Variants in PDE1A observed in about 807,000 individuals in gnomAD.
The protein encoded by PDE1A is phosphodiesterase 1A, also known as dual specificity calcium/calmodulin-dependent 3',5'-cyclic nucleotide phosphodiesterase 1A.
PDE1A carries 35 observed loss-of-function variants against 61.7 expected under a neutral mutation model. The ratio of observed to expected loss-of-function variants is 0.57; its 90% confidence interval spans 0.43 to 0.75. PDE1A has a LOEUF of 0.75. Ranked by LOEUF, PDE1A falls within the 30% of genes least tolerant of loss-of-function variation. The pLI is 0.00. For synonymous variants in PDE1A, 232 were observed against 213.2 expected (o/e 1.09, Z -0.77); for missense variants, 597 against 630.6 (o/e 0.95, Z 0.57).
At chr2:182,478,831 C>A (rs1187728344) in intron 2 of PDE1A, among the ~76,000 whole-genome samples, 1 of 151,828 alleles carries the variant, frequency 6.6e-6, no homozygotes, top group Admixed American at 6.6e-5. Flanking sequence ...TCTCATCATG[C>A]AAGAAATGAA....
At chr2:182,701,951 A>G in the PDE1A span, among the ~76,000 whole-genome samples, 1 of 152,230 alleles carries the variant, frequency 6.6e-6, no homozygotes, top group South Asian at 2.1e-4. Flanking sequence ...AATAAACAAA[A>G]TTTAAGGAAG....
the PDE1A span, among the ~76,000 whole-genome samples, chr2:182,624,784 C>T: frequency 6.6e-6 from 1 of 152,160 alleles, no homozygotes; most frequent in Non-Finnish European, 1.5e-5. Flanking sequence ...GGGCCAGATA[C>T]CAGACAACCA....
chr2:182,705,054 T>C, the PDE1A span, among the ~76,000 whole-genome samples: 24 of 152,228 alleles, frequency 1.6e-4, no homozygotes, highest in Non-Finnish European at 2.6e-4. Context: ...CTCTTACTTC[T>C]GCAACTGTCA....
chr2:182,213,191 C>A (rs1687817534), intron 7 of PDE1A, among the ~76,000 whole-genome samples: 1 of 149,912 alleles, frequency 6.7e-6, no homozygotes, highest in African/African-American at 2.5e-5. Context: ...TTCCAACAGA[C>A]CTGCAGCTGA....
intron 2 of PDE1A, among the ~76,000 whole-genome samples, chr2:182,486,528 C>T (rs999113166): frequency 6.6e-6 from 1 of 151,992 alleles, no homozygotes; most frequent in Non-Finnish European, 1.5e-5. Context: ...AGGATTTACA[C>T]TTTGAAGTTA....
At chr2:182,296,621 A>T (rs1237120794) in intron 1 of PDE1A, among the ~76,000 whole-genome samples, 2 of 152,198 alleles carry the variant, frequency 1.3e-5, no homozygotes, top group Non-Finnish European at 2.9e-5. Context: ...CAAGTGAGGA[A>T]CACCTAGCAA....
the PDE1A span, among the ~76,000 whole-genome samples, chr2:182,555,321 C>T: frequency 6.6e-6 from 1 of 152,124 alleles, no homozygotes; most frequent in East Asian, 1.9e-4. Flanking sequence ...ATACTCCGAG[C>T]GTTTGATAAT....
At chr2:182,182,798 C>T (rs575352698) in intron 13 of PDE1A, among the ~76,000 whole-genome samples, 1 of 151,710 alleles carries the variant, frequency 6.6e-6, no homozygotes, top group Non-Finnish European at 1.5e-5. Flanking sequence ...TTTGTTAACA[C>T]CCACCCTCCC....
the PDE1A span, among the ~76,000 whole-genome samples, chr2:182,642,116 A>T: frequency 6.6e-6 from 1 of 152,208 alleles, no homozygotes; most frequent in Non-Finnish European, 1.5e-5. Context: ...GCTACACATG[A>T]TATGGAATCC....
chr2:182,458,227 C>A (rs1013796372), intron 2 of PDE1A, among the ~76,000 whole-genome samples: 3 of 151,876 alleles, frequency 2.0e-5, no homozygotes, highest in African/African-American at 7.2e-5. Context: ...TCCTCAAATC[C>A]AACACTTTGG....
intron 1 of PDE1A, among the ~76,000 whole-genome samples, chr2:182,295,090 T>TTTTAC (rs1694792657): frequency 3.6e-5 from 4 of 111,286 alleles, no homozygotes; most frequent in Non-Finnish European, 5.4e-5. Context: ...TTTTTTGAGA[T>TTTTAC]GGAGTCTCGC....
chr2:182,355,929 A>AC (rs1699152354), intron 1 of PDE1A, among the ~76,000 whole-genome samples: 1 of 152,180 alleles, frequency 6.6e-6, no homozygotes, highest in South Asian at 2.1e-4. Flanking sequence ...AAGAGAAACT[A>AC]CGTTTGCTTA....
At chr2:182,146,102 A>G (rs1690479250), downstream of PDE1A, among the ~76,000 whole-genome samples, 1 of 152,190 alleles carries the variant, frequency 6.6e-6, no homozygotes, top group South Asian at 2.1e-4. Flanking sequence ...TTGTAAATAC[A>G]CATCCCTCCT....
the PDE1A span, among the ~76,000 whole-genome samples, chr2:182,695,616 G>A: frequency 8.6e-4 from 120 of 140,244 alleles, no homozygotes; most frequent in African/African-American, 3.1e-3. Flanking sequence ...GCAGTGAGCC[G>A]AGATCGCGCC....
chr2:182,620,880 A>G, the PDE1A span, among the ~76,000 whole-genome samples: 1 of 152,148 alleles, frequency 6.6e-6, no homozygotes, highest in Non-Finnish European at 1.5e-5. Flanking sequence ...ATTAAGGAGA[A>G]CACATTTTGT....
At chr2:182,633,160 G>C in the PDE1A span, among the ~76,000 whole-genome samples, 1 of 152,192 alleles carries the variant, frequency 6.6e-6, no homozygotes, top group African/African-American at 2.4e-5. Flanking sequence ...CAGTGTCACA[G>C]CAGGTCAGCA....
chr2:182,187,192 T>G (rs911099470), intron 11 of PDE1A, among the ~76,000 whole-genome samples: 1 of 152,190 alleles, frequency 6.6e-6, no homozygotes, highest in Non-Finnish European at 1.5e-5. Flanking sequence ...GTCAAATCAG[T>G]GAAGAGAAAA....
At chr2:182,551,202 G>A in the PDE1A span, among the ~76,000 whole-genome samples, 2 of 152,154 alleles carry the variant, frequency 1.3e-5, no homozygotes, top group Non-Finnish European at 2.9e-5. Flanking sequence ...TCAGAGCAAG[G>A]TAAAAGGGAG....
At chr2:182,393,158 C>T (rs994519577) in intron 1 of PDE1A, among the ~76,000 whole-genome samples, 1 of 152,246 alleles carries the variant, frequency 6.6e-6, no homozygotes, top group Admixed American at 6.5e-5. Flanking sequence ...CCAAGCATTT[C>T]CATACATCCT....
Sources: gnomAD v4.1 joint callset for allele counts (sites outside exome capture counted in the v4.1 genomes callset) on GRCh38, gnomAD v4.1.1 for gene constraint, MANE v1.5 for transcripts, NCBI Gene and HGNC (gene_info 2026-07-23, HGNC 2026-07-21) for gene names.